DENND1B: variants seen among roughly 807,000 people sequenced by gnomAD.
DENND1B encodes the protein DENN domain containing 1B.
Under a neutral mutation model 90.1 loss-of-function variants are expected in DENND1B, and 59 were observed. The ratio of observed to expected loss-of-function variants is 0.65; its 90% CI spans 0.53 to 0.81. The LOEUF (loss-of-function observed/expected upper bound fraction) is 0.81. Ranked by LOEUF, DENND1B falls within the 40% of genes least tolerant of loss-of-function variation. The probability of loss-of-function intolerance (pLI) is 0.00; values close to 1 mark genes in which losing one functional copy is unlikely to be tolerated. For synonymous variants in DENND1B, 337 were observed against 324.6 expected, an observed-to-expected ratio of 1.04 and a Z score of -0.41; for missense variants, 862 against 912.6, an observed-to-expected ratio of 0.94 and a Z score of 0.71.
intron 2 of DENND1B, among the ~76,000 whole-genome samples, chr1:197,770,693 T>C (rs1319910576): frequency 7.0e-6 from 1 of 143,394 alleles, no homozygotes; most frequent in Non-Finnish European, 1.5e-5. Flanking sequence ...TATCTATAAA[T>C]ATATATCTAT....
chr1:197,654,469 G>T (rs1263899022), intron 6 of DENND1B, among the ~76,000 whole-genome samples: 2 of 151,962 alleles, frequency 1.3e-5, no homozygotes, highest in Admixed American at 6.6e-5. Flanking sequence ...AATTATCCAG[G>T]CGTGGTGGTG....
chr1:197,513,964 A>G (rs1668221657), intron 20 of DENND1B, among the ~76,000 whole-genome samples: 1 of 151,612 alleles, frequency 6.6e-6, no homozygotes, highest in Non-Finnish European at 1.5e-5. Context: ...TTACATGGGT[A>G]TTGATATGTG....
At chr1:197,646,973 G>T in intron 8 of DENND1B, 82 bp downstream of exon 8, 1 of 1,029,432 alleles carries the variant, frequency 9.7e-7, no homozygotes, top group Non-Finnish European at 1.4e-6. Context: ...GGGCTGGAGT[G>T]AAGCTTAAAG....
At chr1:197,723,642 G>A (rs1238649747) in intron 2 of DENND1B, among the ~76,000 whole-genome samples, 4 of 152,104 alleles carry the variant, frequency 2.6e-5, no homozygotes, top group African/African-American at 9.7e-5. Flanking sequence ...AAGATGATCT[G>A]TCATACAGAA....
intron 2 of DENND1B, among the ~76,000 whole-genome samples, chr1:197,763,314 A>C (rs1250176266): frequency 6.6e-6 from 1 of 152,178 alleles, no homozygotes; most frequent in Non-Finnish European, 1.5e-5. Context: ...TCACTTTAAC[A>C]AATCTTACCT....
intron 2 of DENND1B, among the ~76,000 whole-genome samples, chr1:197,749,919 C>T (rs973214638): frequency 2.6e-5 from 4 of 152,116 alleles, no homozygotes; most frequent in African/African-American, 9.7e-5. Flanking sequence ...ACCCTCAGGG[C>T]CCACTGCAGC....
rs955645906 is a variant in DENND1B, at chr1:197,510,362, T to C, written c.*98A>G. On this transcript the variant is annotated 3_prime_UTR_variant, in exon 23 of 23. Transcript: ENST00000620048. ...AAAATGTTGCAAATGCAAAAAAAAA[T>C]TTAAATAGTATGAGTTGCCATTCCT... 3 of 1,358,504 alleles carry C rather than the reference T, an allele frequency of 2.2e-6. No individual in the cohort carries two copies. The highest frequency in any genetic ancestry group is 2.9e-5 in the Admixed American group (1 of 34,026). 84.2% of individuals were successfully genotyped at this position (1,358,504 alleles called of 1,614,324 possible).
At position 197,510,571 on chromosome 1, in the gene DENND1B, A is replaced by G; in HGVS notation, c.2217T>C (p.Thr739=). Residue 739 remains threonine (T), a synonymous_variant, in exon 23 of 23, where the codon ACT becomes ACC. Transcript: ENST00000620048. The stretch of plus-strand genomic sequence containing the variant: ...CATGGAGCAGTCCAATATCTTCTGA[A>G]GTCTCTTTGGCTTCTTTCCCTTCTT... ...WEKEGKEAKE[T]SEDIGLLHEV... 1 of 1,612,794 alleles carries G rather than the reference A, an allele frequency of 6.2e-7. No individual in the cohort carries two copies. The highest frequency in any genetic ancestry group is 8.5e-7 in the Non-Finnish European group (1 of 1,179,214).
chr1:197,726,707 AAG>A (rs1484843920), intron 2 of DENND1B, among the ~76,000 whole-genome samples: 2 of 152,204 alleles, frequency 1.3e-5, no homozygotes, highest in African/African-American at 4.8e-5. Context: ...GAAATACTAA[AAG>A]AGAATGAATA....
intron 2 of DENND1B, chr1:197,735,663 C>A (rs773581888): frequency 3.1e-6 from 5 of 1,614,018 alleles, no homozygotes; most frequent in African/African-American, 2.7e-5. Flanking sequence ...CGGTTTCAGC[C>A]GGTACAAGGT....
At chr1:197,772,967 CAAATA>C in intron 1 of DENND1B, 35 bp from the exon 2 acceptor site, 1 of 1,473,196 alleles carries the variant, frequency 6.8e-7, no homozygotes, top group Non-Finnish European at 9.3e-7. Context: ...TTTCCTATGA[CAAATA>C]AACATCTCCA....
intron 15 of DENND1B, among the ~76,000 whole-genome samples, chr1:197,554,832 CAAAAAAAAAAAA>C (rs11440581): frequency 4.3e-5 from 3 of 69,402 alleles, no homozygotes; most frequent in Admixed American, 2.2e-4. Context: ...GACTCCATCT[CAAAAAAAAAAAA>C]AAAAAAAAAG....
intron 2 of DENND1B, among the ~76,000 whole-genome samples, chr1:197,770,782 A>G (rs1656442698): frequency 7.0e-6 from 1 of 142,112 alleles, no homozygotes; most frequent in Admixed American, 7.3e-5. Flanking sequence ...CTATAAATAT[A>G]TAAATATATA....
rs199744638 is a variant in DENND1B at position 197,774,298 on chromosome 1, CG to C, written c.17+840del. ...CAGTTTTACTTCTGTGAAATTCAAACGGCCTTTCACAATAATACAAATATAC... is the reference window on the plus strand; with the variant it reads ...CAGTTTTACTTCTGTGAAATTCAAACGCCTTTCACAATAATACAAATATAC... On this transcript the variant is annotated intron_variant, in intron 1 of 22. Transcript: ENST00000620048. Among the ~76,000 whole-genome samples the C allele has an allele frequency of 5.3e-3, 803 of 152,242 alleles. 8 individuals carry two copies. The highest frequency in any genetic ancestry group is 0.018 in the African/African-American group (768 of 41,538).
At chr1:197,596,734 C>A (rs892541001) in intron 13 of DENND1B, among the ~76,000 whole-genome samples, 2 of 151,786 alleles carry the variant, frequency 1.3e-5, no homozygotes, top group African/African-American at 4.8e-5. Flanking sequence ...TTTCTTTATG[C>A]AAGTAGCCCT....
At chr1:197,687,611 A>G (rs564863459) in intron 3 of DENND1B, among the ~76,000 whole-genome samples, 77 of 152,316 alleles carry the variant, frequency 5.1e-4, no homozygotes, top group South Asian at 1.2e-3. Context: ...GACAAAATTC[A>G]ACACTTTTTC....
intron 14 of DENND1B, among the ~76,000 whole-genome samples, chr1:197,592,288 TA>T (rs1279022776): frequency 6.6e-6 from 1 of 152,044 alleles, no homozygotes; most frequent in African/African-American, 2.4e-5. Flanking sequence ...TCCTCATCTT[TA>T]AAATATAAAG....
Position 197,511,024 on chromosome 1 carries a change from T to G in DENND1B, c.1816-52A>C, listed in dbSNP as rs193248565. On this transcript the variant is annotated intron_variant, in intron 22 of 22. Coordinates refer to ENST00000620048, the MANE Select transcript of DENND1B (RefSeq NM_001195215.2). ...CAGAAAACTTTTAATAAGCATTAAT[T>G]TAGTTCTTTTTTCTCTTTTGAAATA... The G allele has an allele frequency of 7.2e-5, 102 of 1,417,204 alleles. 1 individual carries two copies. In the Admixed American group the frequency reaches 2.9e-3, roughly 40 times the overall value. 87.8% of individuals were successfully genotyped at this position (1,417,204 alleles called of 1,614,324 possible).
chr1:197,552,465 C>T (rs896232160), intron 16 of DENND1B: 4 of 985,178 alleles, frequency 4.1e-6, no homozygotes, highest in African/African-American at 3.5e-5. Flanking sequence ...AGTATTTGAA[C>T]ATTTACACTA....
Sources: allele counts gnomAD v4.1 joint callset (sites outside exome capture counted in the v4.1 genomes callset), GRCh38; gene constraint gnomAD v4.1.1; transcripts MANE v1.5; gene names NCBI Gene and HGNC (gene_info 2026-07-23, HGNC 2026-07-21).